Variants in CENPN observed in about 807,000 individuals in gnomAD.
CENPN encodes centromere protein N, also known as interphase centromere complex protein 32.
In CENPN, 36 loss-of-function variants were observed where a neutral mutation model predicts 48.6. The ratio of observed to expected loss-of-function variants is 0.74; its 90% CI spans 0.57 to 0.98. CENPN has a LOEUF of 0.98. Ranked by LOEUF, CENPN falls within the 50% of genes least tolerant of loss-of-function variation. The probability of loss-of-function intolerance (pLI) is 0.00; values close to 1 mark genes in which losing one functional copy is unlikely to be tolerated. For missense variants in CENPN, 439 were observed against 399.2 expected, an observed-to-expected ratio of 1.10 and a Z score of -0.85; for synonymous variants, 166 against 135.2, an observed-to-expected ratio of 1.23 and a Z score of -1.58.
At position 81,024,742 on chromosome 16, in the gene CENPN, C is replaced by T. The variant is rs1567554381; in HGVS notation, c.661C>T (p.Pro221Ser). The change falls in exon 8 of 11, where the codon CCT (proline) becomes TCT (serine). Residue 221 changes from proline to serine, a missense_variant. By Grantham distance (74) the Pro-to-Ser change is moderately conservative. Coordinates refer to ENST00000305850, the MANE Select transcript of CENPN (RefSeq NM_001100624.3). Reference sequence around the variant, plus strand: ...CTTTGAAACTCACAACTCTACGACACCTCTACAGGAAAGAAGCCTTGGACT... The same window carrying T: ...CTTTGAAACTCACAACTCTACGACATCTCTACAGGAAAGAAGCCTTGGACT... ...QTFETHNSTT[P>S]LQERSLGLDI... 6.2e-7 allele frequency: 1 copy of T among 1,610,842 alleles called. No individual in the cohort carries two copies. The highest frequency in any genetic ancestry group is 2.2e-5 in the East Asian group (1 of 44,758).
chr16:81,011,522 T>C (rs1969739634), intron 1 of CENPN, among the ~76,000 whole-genome samples: 1 of 152,170 alleles, frequency 6.6e-6, no homozygotes, highest in Non-Finnish European at 1.5e-5. Context: ...GATTTATATA[T>C]CATCACCATC....
In CENPN at chr16:81,029,240, TC is replaced by T. The variant is rs1970656920; in HGVS notation, c.*590del. 1.1e-6 allele frequency: 1 copy of T among 921,214 alleles called. No homozygotes were observed. The highest frequency in any genetic ancestry group is 1.3e-6 in the Non-Finnish European group (1 of 771,498). The allele number at this position is 921,214 out of a possible 1,614,324, so 57.1% of individuals were successfully genotyped here. ...ATTGTAAATATGATACTTCTCATAATCTATTTTATCATGTGTATAACATTCA... is the reference window on the plus strand; with the variant it reads ...ATTGTAAATATGATACTTCTCATAATTATTTTATCATGTGTATAACATTCA... On this transcript the variant is annotated 3_prime_UTR_variant, in exon 11 of 11. Transcript: ENST00000305850.
At position 81,025,689 on chromosome 16, in the gene CENPN, C is replaced by CTTTTTTT. The variant is rs761078576; in HGVS notation, c.698-836_698-835insTTTTTTT. Among the ~76,000 whole-genome samples the CTTTTTTT allele has an allele frequency of 6.3e-4, 85 of 135,226 alleles. 21 individuals are homozygous for CTTTTTTT. Among genetic ancestry groups the CTTTTTTT allele is most frequent in the African/African-American group, 2.4e-3 (80 of 34,026 alleles). 88.7% of individuals were successfully genotyped at this position (135,226 alleles called of 152,430 possible). A position where few individuals can be genotyped will look rare whatever the true frequency, so the allele number is the denominator to read the frequency against. On this transcript the variant is annotated intron_variant, in intron 8 of 10. Transcript: ENST00000305850. ...TGGGCAACATAGTGAGACCCTGTCTCTCTTTTTTTTTTTTTTTTTTTTTTT... is the reference window on the plus strand; with the variant it reads ...TGGGCAACATAGTGAGACCCTGTCTCTTTTTTTTCTTTTTTTTTTTTTTTTTTTTTTT...
intron 3 of CENPN, among the ~76,000 whole-genome samples, chr16:81,015,307 G>A (rs1478612355): frequency 2.6e-5 from 4 of 152,162 alleles, no homozygotes; most frequent in South Asian, 4.1e-4. Flanking sequence ...GACCTCTTGG[G>A]TTCATTTCAT....
intron 5 of CENPN, among the ~76,000 whole-genome samples, chr16:81,019,456 G>C (rs539640952): frequency 6.6e-6 from 1 of 151,246 alleles, no homozygotes; most frequent in African/African-American, 2.4e-5. Context: ...GGGCTCAAGC[G>C]ATCCTCCTAC....
In CENPN at chr16:81,022,597, G is replaced by T; in HGVS notation, c.532G>T (p.Ala178Ser). Reference protein sequence around the residue: ...LRRNTPLLGQALTIASKHHQI... With the variant: ...LRRNTPLLGQSLTIASKHHQI... The stretch of plus-strand genomic sequence containing the variant: ...TAGTCTTGCAAATTTTCATTTCAAG[G>T]CGCTGACAATTGCTAGCAAACACCA... The change falls in exon 7 of 11, where the codon GCG becomes TCG. Residue 178 changes from alanine (A) to serine (S), a missense_variant and splice_region_variant. Coordinates refer to ENST00000305850, the MANE Select transcript of CENPN (RefSeq NM_001100624.3). 1 of 1,613,732 alleles carries T rather than the reference G, an allele frequency of 6.2e-7. No homozygotes were observed. The highest frequency in any genetic ancestry group is 8.5e-7 in the Non-Finnish European group (1 of 1,179,748).
At chr16:81,024,539 C>T in intron 7 of CENPN, 176 bp from the exon 8 acceptor site, 1 of 487,956 alleles carries the variant, frequency 2.0e-6, no homozygotes, top group Non-Finnish European at 3.7e-6. Context: ...GTTGCAGGCT[C>T]AGCAGCCTCC....
intron 2 of CENPN, among the ~76,000 whole-genome samples, chr16:81,012,437 G>C (rs372712593): frequency 2.0e-5 from 3 of 152,044 alleles, no homozygotes; most frequent in East Asian, 3.9e-4. Context: ...CAGATGTATT[G>C]GCAAACTTGT....
At position 81,031,310 on chromosome 16, in the gene CENPN, T is replaced by C. The variant is rs771536776; in HGVS notation, c.*2659T>C. The C allele has an allele frequency of 6.6e-6, 1 of 152,228 alleles. No individual in the cohort carries two copies. Among genetic ancestry groups the C allele is most frequent in the Non-Finnish European group, 1.5e-5 (1 of 68,038 alleles). 9.4% of individuals were successfully genotyped at this position (152,228 alleles called of 1,614,324 possible). A position where few individuals can be genotyped will look rare whatever the true frequency, so the allele number is the denominator to read the frequency against. On this transcript the variant is annotated 3_prime_UTR_variant, in exon 11 of 11. Transcript: ENST00000305850. ...GCACCAACCAATAAACTATGGATTT[T>C]TGTACTAAGCCAGTTGCCTCTTTCA...
intron 10 of CENPN, 55 bp from the exon 11 acceptor site, chr16:81,028,514 C>G: frequency 6.3e-7 from 1 of 1,589,334 alleles, no homozygotes; most frequent in South Asian, 1.2e-5. Context: ...TCAAATCCAT[C>G]CTCCTGTGAT....
At chr16:81,026,988 G>T (rs1050554006) in intron 9 of CENPN, among the ~76,000 whole-genome samples, 1 of 151,912 alleles carries the variant, frequency 6.6e-6, no homozygotes, top group African/African-American at 2.4e-5. Flanking sequence ...GTAGAGACGG[G>T]GTTTCATCGT....
chr16:81,020,256 A>G lies in CENPN; in HGVS notation c.511A>G (p.Asn171Asp). 6.2e-7 allele frequency: 1 copy of G among 1,610,718 alleles called. No individual in the cohort carries two copies. Among genetic ancestry groups the G allele is most frequent in the Non-Finnish European group, 8.5e-7 (1 of 1,179,158 alleles). Reference sequence around the variant, plus strand: ...CACGTCCTCCTCCATGCTGAGGCGCAATACACCGCTTCTGGGTCAGGTATG... The same window carrying G: ...CACGTCCTCCTCCATGCTGAGGCGCGATACACCGCTTCTGGGTCAGGTATG... ...AFTSSSMLRRNTPLLGQALTI... is the reference protein window; with the variant it reads ...AFTSSSMLRRDTPLLGQALTI... The change falls in exon 6 of 11, where the codon AAT (asparagine) becomes GAT (aspartate). Residue 171 changes from asparagine to aspartate, a missense_variant. Transcript: ENST00000305850.
chr16:81,008,222 G>C (rs1324642344), intron 1 of CENPN, among the ~76,000 whole-genome samples: 1 of 152,142 alleles, frequency 6.6e-6, no homozygotes, highest in African/African-American at 2.4e-5. Context: ...TTAGACTGGC[G>C]TTCTGCAAAC....
chr16:81,026,675 A>G (rs774363477), intron 9 of CENPN, 37 bp downstream of exon 9: 1 of 1,033,536 alleles, frequency 9.7e-7, no homozygotes, highest in South Asian at 1.6e-5. Context: ...ACAAGATATC[A>G]ACATTGTTTA....
intron 6 of CENPN, among the ~76,000 whole-genome samples, chr16:81,020,814 G>A (rs1376953850): frequency 1.3e-5 from 2 of 152,186 alleles, no homozygotes; most frequent in South Asian, 2.1e-4. Context: ...GGGTAGGCCA[G>A]GCGCGGTGCT....
chr16:81,025,361 G>C (rs1229288541), intron 8 of CENPN, among the ~76,000 whole-genome samples: 1 of 152,110 alleles, frequency 6.6e-6, no homozygotes, highest in African/African-American at 2.4e-5. Context: ...TTACAAAAGT[G>C]GTGGGGTAAA....
chr16:81,007,890 T>G (rs1373507676), intron 1 of CENPN, among the ~76,000 whole-genome samples: 2 of 152,126 alleles, frequency 1.3e-5, no homozygotes, highest in Admixed American at 6.5e-5. Flanking sequence ...GCGGATCACC[T>G]TAGGTCAGGA....
At position 81,031,194 on chromosome 16, in the gene CENPN, G is replaced by A. The variant is rs1411552488; in HGVS notation, c.*2543G>A. On this transcript the variant is annotated 3_prime_UTR_variant, in exon 11 of 11. Transcript: ENST00000305850. ...AAGCTCCAAAAAAAAAACAATACAGGAGCTTACCTTGAACCTTTGAATTGG... is the reference window on the plus strand; with the variant it reads ...AAGCTCCAAAAAAAAAACAATACAGAAGCTTACCTTGAACCTTTGAATTGG... 6.6e-6 allele frequency: 1 copy of A among 151,512 alleles called. No homozygotes were observed. Among genetic ancestry groups the A allele is most frequent in the Non-Finnish European group, 1.5e-5 (1 of 67,940 alleles). The allele number at this position is 151,512 out of a possible 1,614,324, so 9.4% of individuals were successfully genotyped here.
chr16:81,024,654 A>T (rs1970378569), intron 7 of CENPN, 61 bp from the exon 8 acceptor site: 1 of 1,138,252 alleles, frequency 8.8e-7, no homozygotes. Flanking sequence ...ACTAAAAAAA[A>T]AATTAATATC....
Sources: gnomAD v4.1 joint callset for allele counts (sites outside exome capture counted in the v4.1 genomes callset) on GRCh38, gnomAD v4.1.1 for gene constraint, MANE v1.5 for transcripts, NCBI Gene and HGNC (gene_info 2026-07-23, HGNC 2026-07-21) for gene names.